Variants in GPD1L observed in about 807,000 individuals in gnomAD.
GPD1L encodes glycerol-3-phosphate dehydrogenase 1-like protein.
A neutral mutation model predicts 32.9 loss-of-function variants in GPD1L; 17 were observed. The observed-to-expected ratio is 0.52, with a 90% confidence interval of 0.35 to 0.78. The LOEUF (loss-of-function observed/expected upper bound fraction) is 0.78, where lower values mean the gene tolerates loss of function less well. Among genes scored for constraint, GPD1L ranks in the 30% least tolerant of loss-of-function variants. The pLI, the probability that GPD1L is intolerant of heterozygous loss-of-function variation, is 0.01. For missense variants in GPD1L, 361 were observed against 447.8 expected (o/e 0.81, Z 1.75); for synonymous variants, 187 against 165.9 (o/e 1.13, Z -0.98).
At chr3:32,161,680 G>T (rs1490619862) in intron 7 of GPD1L, among the ~76,000 whole-genome samples, 2 of 152,110 alleles carry the variant, frequency 1.3e-5, no homozygotes, top group Non-Finnish European at 2.9e-5. Flanking sequence ...GCGATTCTGG[G>T]GCCAGTAGCT....
rs1327420325 is a variant in GPD1L, at chr3:32,106,850, G to T, written c.47+92G>T. On this transcript the variant is annotated intron_variant, in intron 1 of 7. Coordinates refer to ENST00000282541, the MANE Select transcript of GPD1L (RefSeq NM_015141.4). This position sits in a 1 kb window ranked among gnomAD's most constrained non-coding sequence, Gnocchi z 4.0. ...CTGCGCGCCCCATGCTGCGGCGTGG[G>T]CACCGGGCACTGCGCGCAGGGAGGC... 9 of 1,222,618 alleles carry T rather than the reference G, an allele frequency of 7.4e-6. No individual in the cohort carries two copies. The highest frequency in any genetic ancestry group is 1.9e-5 in the South Asian group (1 of 53,674). The allele number at this position is 1,222,618 out of a possible 1,614,324, so 75.7% of individuals were successfully genotyped here.
Position 32,159,016 on chromosome 3 carries a change from C to T in GPD1L, c.759C>T (p.Thr253=), listed in dbSNP as rs753265220. 1 of 1,613,942 alleles carries T rather than the reference C, an allele frequency of 6.2e-7. No individual in the cohort carries two copies. The highest frequency in any genetic ancestry group is 1.3e-5 in the African/African-American group (1 of 74,940). ...IFCKGQVSTA[T]FLESCGVADL... is the part of the protein sequence containing the mutation. Reference sequence around the variant, plus strand: ...GCAAAGGCCAAGTGTCTACAGCCACCTTCCTAGAGAGCTGCGGGGTGGCCG... The same window carrying T: ...GCAAAGGCCAAGTGTCTACAGCCACTTTCCTAGAGAGCTGCGGGGTGGCCG... Residue 253 remains threonine (T), a synonymous_variant, in exon 6 of 8, where the codon ACC becomes ACT. Transcript: ENST00000282541.
chr3:32,139,899 A>G (rs1700715016), intron 3 of GPD1L, among the ~76,000 whole-genome samples: 1 of 152,180 alleles, frequency 6.6e-6, no homozygotes, highest in Non-Finnish European at 1.5e-5. Flanking sequence ...GATGTGGTAA[A>G]ATAGTCAAGA....
chr3:32,125,589 A>G (rs1294098262), intron 1 of GPD1L, among the ~76,000 whole-genome samples: 3 of 152,222 alleles, frequency 2.0e-5, no homozygotes, highest in Non-Finnish European at 4.4e-5. Flanking sequence ...ATGGATCAAC[A>G]TGTATTGCAG....
chr3:32,151,480 T>G (rs1214637537), intron 5 of GPD1L: 1 of 377,646 alleles, frequency 2.6e-6, no homozygotes, highest in Non-Finnish European at 4.8e-6. Flanking sequence ...GCTTATGTAT[T>G]TATTTTTTAT....
In GPD1L at chr3:32,106,962, G is replaced by A; in HGVS notation, c.47+204G>A. On this transcript the variant is annotated intron_variant, in intron 1 of 7. Transcript: ENST00000282541. This position sits in a 1 kb window ranked among gnomAD's most constrained non-coding sequence, Gnocchi z 4.0. ...CTCGCTCGGGAGGCGCTGGGCTCGC[G>A]TGCGTGCGGGGGACAGCGCGGAGAG... 2.3e-6 allele frequency: 1 copy of A among 434,564 alleles called. No individual in the cohort carries two copies. Among genetic ancestry groups the A allele is most frequent in the Non-Finnish European group, 3.9e-6 (1 of 258,770 alleles). 26.9% of individuals were successfully genotyped at this position (434,564 alleles called of 1,614,324 possible).
intron 1 of GPD1L, among the ~76,000 whole-genome samples, chr3:32,108,242 G>A (rs1264783183): frequency 2.6e-5 from 4 of 152,092 alleles, no homozygotes; most frequent in Admixed American, 6.5e-5. Flanking sequence ...AATATTAGTC[G>A]GGCATGGTGG....
At chr3:32,137,912 T>G (rs1391863440) in intron 2 of GPD1L, among the ~76,000 whole-genome samples, 1 of 152,102 alleles carries the variant, frequency 6.6e-6, no homozygotes, top group African/African-American at 2.4e-5. Flanking sequence ...CAACAGGGGT[T>G]GGTGAAGTGC....
intron 1 of GPD1L, among the ~76,000 whole-genome samples, chr3:32,125,524 G>A (rs1184816989): frequency 6.6e-6 from 1 of 152,112 alleles, no homozygotes; most frequent in Non-Finnish European, 1.5e-5. Context: ...TGCACCCTGG[G>A]TTGGGCTGTC....
At chr3:32,131,486 G>A (rs11129495) in intron 2 of GPD1L, among the ~76,000 whole-genome samples, 44,726 of 151,870 alleles carry the variant, frequency 0.29, 7,586 homozygotes, top group East Asian at 0.74. Context: ...CATATTTCAT[G>A]TAAATTGCGT....
At position 32,159,690 on chromosome 3, in the gene GPD1L, G is replaced by A. The variant is rs72546643; in HGVS notation, c.959+16G>A. 25,436 of 1,406,810 alleles carry A rather than the reference G, an allele frequency of 0.018. 2,324 individuals are homozygous for A. In the East Asian group the frequency reaches 0.25, roughly 14 times the overall value. The allele number at this position is 1,406,810 out of a possible 1,614,324, so 87.1% of individuals were successfully genotyped here. On this transcript the variant is annotated intron_variant, in intron 7 of 7. Coordinates refer to ENST00000282541, the MANE Select transcript of GPD1L (RefSeq NM_015141.4). ...TACTGGACAAGTAAGTCTCTCAGTC[G>A]CCCATGAGACCAGATAAATGTCCAT...
intron 1 of GPD1L, among the ~76,000 whole-genome samples, chr3:32,122,188 C>T (rs1279860664): frequency 6.7e-6 from 1 of 149,792 alleles, no homozygotes; most frequent in Non-Finnish European, 1.5e-5. Flanking sequence ...TTGCACCCAG[C>T]ATGGTGTCTG....
At chr3:32,149,943 C>T (rs1008786188) in intron 5 of GPD1L, among the ~76,000 whole-genome samples, 20 of 116,852 alleles carry the variant, frequency 1.7e-4, no homozygotes, top group Middle Eastern at 3.9e-3. Context: ...AGTGAGACTC[C>T]GTCTCAAAAA....
At chr3:32,155,983 A>G (rs1276655495) in intron 5 of GPD1L, among the ~76,000 whole-genome samples, 1 of 152,136 alleles carries the variant, frequency 6.6e-6, no homozygotes, top group Non-Finnish European at 1.5e-5. Flanking sequence ...AGGTGGGCCC[A>G]GCCCCAGGTG....
At chr3:32,161,947 A>G (rs1046247181) in intron 7 of GPD1L, among the ~76,000 whole-genome samples, 2 of 151,794 alleles carry the variant, frequency 1.3e-5, no homozygotes, top group African/African-American at 4.8e-5. Context: ...CCTTTGCACC[A>G]CCTCTTACTT....
intron 7 of GPD1L, among the ~76,000 whole-genome samples, chr3:32,163,411 A>G (rs7634460): frequency 0.4 from 60,057 of 151,530 alleles, 13,021 homozygotes; most frequent in East Asian, 0.6. Flanking sequence ...CTCGTGATCC[A>G]CCTGCCTCAA....
rs1358422115 is a variant in GPD1L at position 32,162,530 on chromosome 3, C to T, written c.959+2856C>T. Among the ~76,000 whole-genome samples the T allele has an allele frequency of 1.7e-5, 2 of 118,502 alleles. 1 individual carries two copies. The highest frequency in any genetic ancestry group is 7.6e-5 in the African/African-American group (2 of 26,284). The allele number at this position is 118,502 out of a possible 152,430, so 77.7% of individuals were successfully genotyped here. A position where few individuals can be genotyped will look rare whatever the true frequency, so the allele number is the denominator to read the frequency against. On this transcript the variant is annotated intron_variant, in intron 7 of 7. Transcript: ENST00000282541. ...CCTCCCCAGTAGCTGGGACTACAGG[C>T]GCCCGCCACCGCGCCCGGCTAATTT...
chr3:32,129,318 A>G (rs976943542), intron 2 of GPD1L, among the ~76,000 whole-genome samples: 14 of 152,212 alleles, frequency 9.2e-5, no homozygotes, highest in African/African-American at 3.4e-4. Context: ...AGAAAGAGGA[A>G]TAAGACAGTG....
chr3:32,158,864 T>C lies in GPD1L; in HGVS notation c.619-12T>C, dbSNP rs760328411. Reference sequence around the variant, plus strand: ...CTGTAACGGCATCTGGGCTTTGTCATCTCCTTTGCAGAACATCGTAGCTGT... The same window carrying C: ...CTGTAACGGCATCTGGGCTTTGTCACCTCCTTTGCAGAACATCGTAGCTGT... On this transcript the variant is annotated splice_polypyrimidine_tract_variant and intron_variant, in intron 5 of 7. Transcript: ENST00000282541. The C allele has an allele frequency of 4.7e-5, 76 of 1,613,190 alleles. No homozygotes were observed. The highest frequency in any genetic ancestry group is 5.9e-5 in the Non-Finnish European group (70 of 1,179,670).
Sources: allele counts gnomAD v4.1 joint callset (sites outside exome capture counted in the v4.1 genomes callset), GRCh38; gene constraint gnomAD v4.1.1; non-coding constraint Gnocchi (gnomAD v3.1); transcripts MANE v1.5; gene names NCBI Gene and HGNC (gene_info 2026-07-23, HGNC 2026-07-21).